Variants in FAM107B observed in about 807,000 individuals in gnomAD.
FAM107B encodes the protein protein FAM107B.
FAM107B carries 21 observed loss-of-function variants against 31.5 expected under a neutral mutation model. That is an observed-to-expected ratio of 0.67 (90% CI 0.47 to 0.96). The LOEUF (loss-of-function observed/expected upper bound fraction) is 0.96. Among genes scored for constraint, FAM107B ranks in the 40% least tolerant of loss-of-function variants. The pLI is 0.00. For synonymous variants in FAM107B, 157 were observed against 141.5 expected (o/e 1.11, Z -0.78); for missense variants, 452 against 377.1 (o/e 1.20, Z -1.64).
intron 1 of FAM107B, among the ~76,000 whole-genome samples, chr10:14,698,778 G>C (rs867425560): frequency 6.6e-6 from 1 of 152,182 alleles, no homozygotes; most frequent in African/African-American, 2.4e-5. Flanking sequence ...GACGTTGCCC[G>C]GCCCTCTTTG....
chr10:14,687,261 T>C (rs1376386852), intron 1 of FAM107B, among the ~76,000 whole-genome samples: 1 of 152,170 alleles, frequency 6.6e-6, no homozygotes, highest in Non-Finnish European at 1.5e-5. Context: ...TTCCCCGGGC[T>C]TCATTTTCTC....
chr10:14,657,591 T>G (rs1213237448), intron 2 of FAM107B, among the ~76,000 whole-genome samples: 3 of 152,144 alleles, frequency 2.0e-5, no homozygotes, highest in Non-Finnish European at 4.4e-5. Context: ...GAAATAAATC[T>G]AGAACCTAGA....
At chr10:14,627,413 G>C (rs1163872133) in intron 2 of FAM107B, among the ~76,000 whole-genome samples, 1 of 152,180 alleles carries the variant, frequency 6.6e-6, no homozygotes, top group Non-Finnish European at 1.5e-5. Flanking sequence ...GCAAATACCT[G>C]TTAAAATCAT....
chr10:14,534,021 C>T (rs1292776618), intron 2 of FAM107B, among the ~76,000 whole-genome samples: 1 of 152,128 alleles, frequency 6.6e-6, no homozygotes, highest in Non-Finnish European at 1.5e-5. Flanking sequence ...GATGTTTTTC[C>T]GTGGGACAGT....
intron 2 of FAM107B, among the ~76,000 whole-genome samples, chr10:14,620,374 C>T (rs1328355023): frequency 1.3e-5 from 2 of 152,090 alleles, no homozygotes; most frequent in African/African-American, 2.4e-5. Context: ...TTCATCAACA[C>T]CACCCTTTCT....
chr10:14,729,743 G>A (rs994907075), intron 1 of FAM107B, among the ~76,000 whole-genome samples: 15 of 152,202 alleles, frequency 9.9e-5, no homozygotes, highest in African/African-American at 3.4e-4. Flanking sequence ...ACACACGTAT[G>A]TTTATTGCAG....
At chr10:14,754,970 A>G (rs1400519822) in intron 1 of FAM107B, among the ~76,000 whole-genome samples, 1 of 152,196 alleles carries the variant, frequency 6.6e-6, no homozygotes, top group African/African-American at 2.4e-5. Flanking sequence ...TTTGATTCCT[A>G]ACTGCGTTTC....
chr10:14,677,419 A>C (rs940145533), intron 1 of FAM107B, among the ~76,000 whole-genome samples: 1 of 152,160 alleles, frequency 6.6e-6, no homozygotes, highest in East Asian at 1.9e-4. Context: ...CAGGAGATTG[A>C]GACCATCCTG....
At chr10:14,761,789 G>T (rs940653128) in intron 1 of FAM107B, among the ~76,000 whole-genome samples, 1 of 151,950 alleles carries the variant, frequency 6.6e-6, no homozygotes, top group Non-Finnish European at 1.5e-5. Flanking sequence ...GTAGAGGGGG[G>T]GGTTTCACCA....
intron 1 of FAM107B, among the ~76,000 whole-genome samples, chr10:14,674,111 A>G (rs1268337278): frequency 6.6e-6 from 1 of 152,240 alleles, no homozygotes; most frequent in East Asian, 1.9e-4. Flanking sequence ...AAAATGCATC[A>G]AAGACTTAAA....
chr10:14,680,573 C>CAAAAAAAAAAAAAAAA (rs35826993), intron 1 of FAM107B, among the ~76,000 whole-genome samples: 45 of 133,972 alleles, frequency 3.4e-4, no homozygotes, highest in South Asian at 1.7e-3. Context: ...GACTCTGTCT[C>CAAAAAAAAAAAAAAAA]AAAAAAAAAA....
At chr10:14,604,223 G>A in intron 2 of FAM107B, 2 of 979,742 alleles carry the variant, frequency 2.0e-6, no homozygotes, top group Non-Finnish European at 2.4e-6. Flanking sequence ...GAAAGTAAGT[G>A]CGGGAGGCGA....
At position 14,641,796 on chromosome 10, in the gene FAM107B, A is replaced by T. The variant is rs555326796; in HGVS notation, c.469+25838T>A. The stretch of plus-strand genomic sequence containing the variant: ...GAATTTGTGGTGGGGCAGGAGGGAG[A>T]CATAATTCAGTTTATAGCATTATAT... On this transcript the variant is annotated intron_variant, in intron 2 of 4. Transcript: ENST00000181796. Among the ~76,000 whole-genome samples, 264 of 152,268 alleles carry T rather than the reference A, an allele frequency of 1.7e-3. 3 individuals carry two copies. The highest frequency in any genetic ancestry group is 4.9e-3 in the African/African-American group (205 of 41,556).
At chr10:14,524,057 T>C (rs1419762270) in intron 3 of FAM107B, among the ~76,000 whole-genome samples, 2 of 151,266 alleles carry the variant, frequency 1.3e-5, no homozygotes, top group African/African-American at 4.9e-5. Flanking sequence ...TTTTTCGTTT[T>C]TGAGATACAG....
chr10:14,618,933 C>T (rs142953000), intron 2 of FAM107B, among the ~76,000 whole-genome samples: 76 of 152,060 alleles, frequency 5.0e-4, no homozygotes, highest in African/African-American at 1.7e-3. Context: ...TAAGAGGAGA[C>T]GAGACACAGA....
chr10:14,547,862 C>T (rs749471145), intron 2 of FAM107B, among the ~76,000 whole-genome samples: 2 of 152,168 alleles, frequency 1.3e-5, no homozygotes, highest in African/African-American at 2.4e-5. Context: ...TTTCTGCTTC[C>T]GCAATGAAAA....
chr10:14,640,910 C>A (rs1853611753), intron 2 of FAM107B, among the ~76,000 whole-genome samples: 1 of 152,120 alleles, frequency 6.6e-6, no homozygotes, highest in Non-Finnish European at 1.5e-5. Context: ...AAGAAAAAAA[C>A]TTGCTTTAAA....
chr10:14,572,762 A>ATATATATATATATATTT (rs1491218709), intron 2 of FAM107B, among the ~76,000 whole-genome samples: 1 of 66,030 alleles, frequency 1.5e-5, no homozygotes, highest in Non-Finnish European at 3.4e-5. Context: ...TATATATATT[A>ATATATATATATATATTT]GAGTGTGTGT....
chr10:14,737,488 C>T (rs967465305), intron 1 of FAM107B, among the ~76,000 whole-genome samples: 2 of 151,916 alleles, frequency 1.3e-5, no homozygotes, highest in Admixed American at 1.3e-4. Flanking sequence ...GTGACAGGCA[C>T]CTGTAACCCT....
Sources: gnomAD v4.1 joint callset for allele counts (sites outside exome capture counted in the v4.1 genomes callset) on GRCh38, gnomAD v4.1.1 for gene constraint, MANE v1.5 for transcripts, NCBI Gene and HGNC (gene_info 2026-07-23, HGNC 2026-07-21) for gene names.